PLEKHH2: variants seen among roughly 807,000 people sequenced by gnomAD.
The protein encoded by PLEKHH2 is pleckstrin homology, MyTH4 and FERM domain containing H2.
PLEKHH2 carries 129 observed loss-of-function variants against 187.9 expected under a neutral mutation model. That is an observed-to-expected ratio of 0.69 (90% confidence interval 0.59 to 0.79). PLEKHH2 has a LOEUF of 0.79. Ranked by LOEUF, PLEKHH2 falls within the 30% of genes least tolerant of loss-of-function variation. PLEKHH2 has a pLI of 0.00. For missense variants in PLEKHH2, 2,076 were observed against 1,751.2 expected (o/e 1.19, Z -3.31); for synonymous variants, 686 against 605.6 (o/e 1.13, Z -1.95).
intron 25 of PLEKHH2, among the ~76,000 whole-genome samples, 172 bp downstream of exon 25, chr2:43,753,932 A>G (rs1201925975): frequency 6.6e-6 from 1 of 152,172 alleles, no homozygotes; most frequent in African/African-American, 2.4e-5. Context: ...ACTGCTGACA[A>G]TTGCAATGAT....
intron 3 of PLEKHH2, chr2:43,680,927 G>C: frequency 1.4e-6 from 1 of 722,636 alleles, no homozygotes; most frequent in Non-Finnish European, 2.3e-6. Context: ...TATGTCCAGG[G>C]CCACTTTAGT....
intron 7 of PLEKHH2, among the ~76,000 whole-genome samples, chr2:43,698,727 G>A (rs1669215676): frequency 6.6e-6 from 1 of 152,008 alleles, no homozygotes; most frequent in Admixed American, 6.6e-5. Flanking sequence ...TAATTATGAA[G>A]GTCCTGTCTA....
chr2:43,658,915 T>C (rs919997934), intron 2 of PLEKHH2: 2 of 152,130 alleles, frequency 1.3e-5, no homozygotes, highest in Non-Finnish European at 2.9e-5. Context: ...GAACCATCTA[T>C]TGAGTTTTTT....
At chr2:43,672,597 C>T (rs767016333) in intron 2 of PLEKHH2, among the ~76,000 whole-genome samples, 2 of 152,184 alleles carry the variant, frequency 1.3e-5, no homozygotes, top group Non-Finnish European at 1.5e-5. Context: ...AGCATTTGAA[C>T]CCTTTTTCTA....
chr2:43,678,092 C>CTGCAATCTCGGCACTTTG (rs1667950405), intron 2 of PLEKHH2, among the ~76,000 whole-genome samples: 1 of 150,662 alleles, frequency 6.6e-6, no homozygotes, highest in African/African-American at 2.4e-5. Context: ...CGGGCAGAGG[C>CTGCAATCTCGGCACTTTG]GCTCCTCACA....
At chr2:43,666,527 C>T (rs146692431) in intron 2 of PLEKHH2, among the ~76,000 whole-genome samples, 16 of 152,162 alleles carry the variant, frequency 1.1e-4, no homozygotes, top group Admixed American at 2.6e-4. Flanking sequence ...AAGAAACTGC[C>T]GAACTGTTTC....
rs372348622 is a variant in PLEKHH2 at position 43,754,134 on chromosome 2, A to G, written c.3795+374A>G. Among the ~76,000 whole-genome samples the G allele has an allele frequency of 5.3e-5, 8 of 149,842 alleles. No homozygotes were observed. The East Asian group carries it at 5.9e-4, about 11-fold the overall frequency. Reference sequence around the variant, plus strand: ...CTAGAGCACTTTCTTTTATTTGCCTATTGTATCAGCTAGGATTAAGTTCAA... The same window carrying G: ...CTAGAGCACTTTCTTTTATTTGCCTGTTGTATCAGCTAGGATTAAGTTCAA... On this transcript the variant is annotated intron_variant, in intron 25 of 29. Transcript: ENST00000282406.
In PLEKHH2 at chr2:43,673,272, A is replaced by G. The variant is rs374856032; in HGVS notation, c.124-5591A>G. ...TTTCCTCCATCCATAAAAATTTGTA[A>G]TGACTGTATGGTATCTAACTGTAAG... On this transcript the variant is annotated intron_variant, in intron 2 of 29. Transcript: ENST00000282406. Among the ~76,000 whole-genome samples, 5 of 152,256 alleles carry G rather than the reference A, an allele frequency of 3.3e-5. No individual in the cohort carries two copies. The East Asian group carries it at 7.7e-4, about 23-fold the overall frequency.
intron 1 of PLEKHH2, among the ~76,000 whole-genome samples, chr2:43,638,690 A>G (rs1257277012): frequency 6.6e-6 from 1 of 152,226 alleles, no homozygotes; most frequent in Non-Finnish European, 1.5e-5. Flanking sequence ...AGTTATATAT[A>G]TATTCCCAAT....
intron 2 of PLEKHH2, among the ~76,000 whole-genome samples, chr2:43,670,453 T>C (rs889024086): frequency 2.0e-5 from 3 of 152,164 alleles, no homozygotes; most frequent in East Asian, 1.9e-4. Context: ...ACAATGAAGA[T>C]AGAGTAAACC....
chr2:43,666,610 C>T (rs2104389953), intron 2 of PLEKHH2, among the ~76,000 whole-genome samples: 1 of 152,310 alleles, frequency 6.6e-6, no homozygotes, highest in African/African-American at 2.4e-5. Context: ...GTTTTACCAC[C>T]ATTTGGCATA....
chr2:43,642,721 C>T (rs1038824018), intron 1 of PLEKHH2, among the ~76,000 whole-genome samples: 9 of 152,086 alleles, frequency 5.9e-5, no homozygotes, highest in Non-Finnish European at 8.8e-5. Flanking sequence ...AATGATCATA[C>T]GGTTTTTGTT....
intron 23 of PLEKHH2, chr2:43,744,222 A>G: frequency 1.1e-6 from 1 of 878,162 alleles, no homozygotes; most frequent in Non-Finnish European, 1.5e-6. Flanking sequence ...GGTGTTAGTA[A>G]TGGAAATGAT....
chr2:43,647,400 T>C (rs963240597), intron 2 of PLEKHH2, among the ~76,000 whole-genome samples: 1 of 152,244 alleles, frequency 6.6e-6, no homozygotes, highest in Admixed American at 6.5e-5. Flanking sequence ...CCAGGCATTC[T>C]GTCTTTTTAA....
chr2:43,668,988 A>G (rs1354174512), intron 2 of PLEKHH2, among the ~76,000 whole-genome samples: 4 of 152,328 alleles, frequency 2.6e-5, no homozygotes, highest in African/African-American at 9.6e-5. Context: ...TGGATGATCA[A>G]GGAGTAGGGA....
chr2:43,648,567 G>GTGTGTGTGTGTA (rs1666301692), intron 2 of PLEKHH2, among the ~76,000 whole-genome samples: 2 of 102,340 alleles, frequency 2.0e-5, no homozygotes, highest in South Asian at 6.8e-4. Context: ...ATTCGTGTGT[G>GTGTGTGTGTGTA]TGTGTGTGTG....
At chr2:43,735,651 T>G (rs1452388267) in intron 19 of PLEKHH2, among the ~76,000 whole-genome samples, 1 of 152,210 alleles carries the variant, frequency 6.6e-6, no homozygotes, top group Non-Finnish European at 1.5e-5. Flanking sequence ...ATTTGATTAT[T>G]ACATGTTGCA....
At chr2:43,698,052 A>G (rs145367445) in intron 7 of PLEKHH2, among the ~76,000 whole-genome samples, 17 of 152,218 alleles carry the variant, frequency 1.1e-4, no homozygotes, top group Admixed American at 1.1e-3. Flanking sequence ...CTTTCCCCAA[A>G]TATTTTAGAG....
intron 10 of PLEKHH2, 67 bp from the exon 11 acceptor site, chr2:43,707,334 C>T: frequency 1.3e-6 from 2 of 1,580,106 alleles, no homozygotes; most frequent in South Asian, 1.1e-5. Context: ...TAATAACTAG[C>T]AGCCTTTTCT....
Sources: allele counts gnomAD v4.1 joint callset (sites outside exome capture counted in the v4.1 genomes callset), GRCh38; gene constraint gnomAD v4.1.1; transcripts MANE v1.5; gene names NCBI Gene and HGNC (gene_info 2026-07-23, HGNC 2026-07-21).